The following VPS13B variants were observed in gnomAD, a reference collection of about 807,000 sequenced individuals.
The protein encoded by VPS13B is intermembrane lipid transfer protein VPS13B.
In VPS13B, 285 loss-of-function variants were observed where a neutral mutation model predicts 426.4. The ratio of observed to expected loss-of-function variants is 0.67; its 90% CI spans 0.61 to 0.74. The LOEUF is 0.74. Among genes scored for constraint, VPS13B ranks in the 30% least tolerant of loss-of-function variants. VPS13B has a pLI of 0.00. For synonymous variants in VPS13B, 1,676 were observed against 1,676.4 expected, an observed-to-expected ratio of 1.00 and a Z score of 0.01; for missense variants, 4,537 against 4,782.6, an observed-to-expected ratio of 0.95 and a Z score of 1.51.
chr8:99,038,096 G>A (rs1842825570), intron 2 of VPS13B, among the ~76,000 whole-genome samples: 1 of 152,164 alleles, frequency 6.6e-6, no homozygotes, highest in South Asian at 2.1e-4. Flanking sequence ...ATTCAGCAAA[G>A]TAGGAGACAG....
chr8:99,736,727 C>T (rs1833846814), intron 39 of VPS13B, among the ~76,000 whole-genome samples: 1 of 148,850 alleles, frequency 6.7e-6, no homozygotes, highest in Admixed American at 6.8e-5. Flanking sequence ...AACCCTAAGA[C>T]TTCAGGACTG....
At chr8:99,481,549 A>G in intron 24 of VPS13B, 50 bp from the exon 25 acceptor site, 2 of 1,574,570 alleles carry the variant, frequency 1.3e-6, no homozygotes, top group Non-Finnish European at 1.7e-6. Flanking sequence ...AGTGGATTGA[A>G]ACTGGAAGTT....
At chr8:99,176,793 T>C (rs1812656784) in intron 16 of VPS13B, among the ~76,000 whole-genome samples, 2 of 152,048 alleles carry the variant, frequency 1.3e-5, no homozygotes, top group South Asian at 4.2e-4. Flanking sequence ...CTAATAAGAT[T>C]TGAGAAAAAG....
Position 99,053,039 on chromosome 8 carries a change from G to C in VPS13B, c.291+14473G>C, listed in dbSNP as rs187416360. Among the ~76,000 whole-genome samples the C allele has an allele frequency of 4.7e-4, 71 of 151,828 alleles. No individual in the cohort carries two copies. In the East Asian group the frequency reaches 0.012, roughly 25 times the overall value. On this transcript the variant is annotated intron_variant, in intron 3 of 61. Transcript: ENST00000357162. ...TTTGTGTCTCTTATTTCCTTCAGTT[G>C]TGCTCTGATCTTAGTTATTTCTTGC...
At position 99,179,384 on chromosome 8, in the gene VPS13B, G is replaced by T. The variant is rs1233292873; in HGVS notation, c.2333+9221G>T. On this transcript the variant is annotated intron_variant, in intron 16 of 61. Coordinates refer to ENST00000357162, the MANE Select transcript of VPS13B (RefSeq NM_152564.5). ...GTTTAAAAGCTTTAAAATATTCTTTGATGCCCTCTATGGTCTGGCCCCTGC... is the reference window on the plus strand; with the variant it reads ...GTTTAAAAGCTTTAAAATATTCTTTTATGCCCTCTATGGTCTGGCCCCTGC... Among the ~76,000 whole-genome samples, 6 of 152,030 alleles carry T rather than the reference G, an allele frequency of 3.9e-5. No individual in the cohort carries two copies. In the South Asian group the frequency reaches 8.3e-4, roughly 21 times the overall value.
intron 25 of VPS13B, among the ~76,000 whole-genome samples, chr8:99,495,736 A>T (rs923322821): frequency 3.9e-5 from 6 of 152,042 alleles, no homozygotes; most frequent in African/African-American, 1.2e-4. Flanking sequence ...GTTTTTAAAA[A>T]TTTTCTGGGG....
chr8:99,154,007 T>C (rs973493340), intron 14 of VPS13B, among the ~76,000 whole-genome samples: 2 of 152,072 alleles, frequency 1.3e-5, no homozygotes, highest in African/African-American at 4.8e-5. Context: ...TACTCTCTTC[T>C]TGCTTACATT....
intron 33 of VPS13B, among the ~76,000 whole-genome samples, chr8:99,607,920 A>T (rs1165238878): frequency 6.6e-6 from 1 of 152,120 alleles, no homozygotes; most frequent in African/African-American, 2.4e-5. Context: ...CATTTTCTCA[A>T]ATTTGTGTGA....
At chr8:99,824,034 G>A in intron 51 of VPS13B, 56 bp downstream of exon 51, 2 of 1,581,898 alleles carry the variant, frequency 1.3e-6, no homozygotes, top group Non-Finnish European at 1.7e-6. Context: ...ACAATAAATA[G>A]GATCAACTTC....
intron 39 of VPS13B, among the ~76,000 whole-genome samples, chr8:99,751,190 A>G (rs571529801): frequency 6.6e-6 from 1 of 152,080 alleles, no homozygotes; most frequent in Non-Finnish European, 1.5e-5. Context: ...TTAGCTTTTC[A>G]TGCTTTTTAT....
chr8:99,676,373 G>T (rs530301645), intron 35 of VPS13B, among the ~76,000 whole-genome samples: 11 of 152,192 alleles, frequency 7.2e-5, no homozygotes, highest in South Asian at 2.1e-4. Context: ...TTTCATAGGG[G>T]CTATGGGATC....
At position 99,422,379 on chromosome 8, in the gene VPS13B, C is replaced by T. The variant is rs900500304; in HGVS notation, c.3083-9158C>T. Among the ~76,000 whole-genome samples, 8 of 152,070 alleles carry T rather than the reference C, an allele frequency of 5.3e-5. No homozygotes were observed. In the South Asian group the frequency reaches 6.2e-4, roughly 12 times the overall value. ...AGTGGCGACTGGAAATATTGCTTGA[C>T]GGTGGTTTAATAGTGCCCATACTGC... On this transcript the variant is annotated intron_variant, in intron 21 of 61. Transcript: ENST00000357162.
chr8:99,572,109 T>A (rs1165270988), intron 31 of VPS13B, among the ~76,000 whole-genome samples: 1 of 152,212 alleles, frequency 6.6e-6, no homozygotes, highest in African/African-American at 2.4e-5. Context: ...AATAAGGGCA[T>A]ATTTAAAAGG....
At chr8:99,263,547 T>C (rs1818158727) in intron 17 of VPS13B, among the ~76,000 whole-genome samples, 1 of 152,222 alleles carries the variant, frequency 6.6e-6, no homozygotes, top group African/African-American at 2.4e-5. Flanking sequence ...TTCTAGCTTT[T>C]AGAAATTTCC....
At chr8:99,621,814 T>C (rs544330276) in intron 33 of VPS13B, among the ~76,000 whole-genome samples, 160 of 149,082 alleles carry the variant, frequency 1.1e-3, no homozygotes, top group African/African-American at 3.8e-3. Context: ...GTTTTTTGTT[T>C]TGTTTCTTTT....
chr8:99,805,683 G>A (rs900073275), intron 43 of VPS13B, among the ~76,000 whole-genome samples: 3 of 152,122 alleles, frequency 2.0e-5, no homozygotes, highest in African/African-American at 4.8e-5. Context: ...CGCAGCTCTG[G>A]GGGTCTGCTG....
intron 17 of VPS13B, among the ~76,000 whole-genome samples, chr8:99,198,083 G>T (rs535445696): frequency 1.3e-5 from 2 of 152,076 alleles, no homozygotes; most frequent in Middle Eastern, 3.4e-3. Context: ...TTCAAAAAAC[G>T]TTTTAATTTG....
chr8:99,309,210 C>T (rs1820816316), intron 19 of VPS13B, among the ~76,000 whole-genome samples: 1 of 152,138 alleles, frequency 6.6e-6, no homozygotes, highest in Non-Finnish European at 1.5e-5. Flanking sequence ...TCAATTTTGG[C>T]TTTTGTTGCC....
intron 23 of VPS13B, among the ~76,000 whole-genome samples, chr8:99,461,445 A>G (rs1380268982): frequency 6.6e-6 from 1 of 152,170 alleles, no homozygotes; most frequent in Non-Finnish European, 1.5e-5. Flanking sequence ...ATTCCTGACA[A>G]TATTTAGGAA....
Sources: allele counts gnomAD v4.1 joint callset (sites outside exome capture counted in the v4.1 genomes callset), GRCh38; gene constraint gnomAD v4.1.1; transcripts MANE v1.5; gene names NCBI Gene and HGNC (gene_info 2026-07-23, HGNC 2026-07-21).